Variants in COLEC12 observed in about 807,000 individuals in gnomAD.
COLEC12 encodes the protein collectin-12.
Under a neutral mutation model 71.1 loss-of-function variants are expected in COLEC12, and 33 were observed. The observed-to-expected ratio is 0.46, with a 90% CI of 0.35 to 0.62. The LOEUF (loss-of-function observed/expected upper bound fraction) is 0.62. Ranked by LOEUF, COLEC12 falls within the 20% of genes least tolerant of loss-of-function variation. The probability of loss-of-function intolerance (pLI) is 0.00; values close to 1 mark genes in which losing one functional copy is unlikely to be tolerated. For missense variants in COLEC12, 765 were observed against 916.1 expected (o/e 0.84, Z 2.13); for synonymous variants, 350 against 353.0 (o/e 0.99, Z 0.10).
intron 2 of COLEC12, among the ~76,000 whole-genome samples, chr18:416,524 T>C (rs1368040473): frequency 1.3e-5 from 2 of 152,218 alleles, no homozygotes; most frequent in African/African-American, 4.8e-5. Flanking sequence ...AGGAATTCCA[T>C]GACTCATTGA....
At chr18:445,635 C>CTTTTTTTT (rs35766404) in intron 2 of COLEC12, among the ~76,000 whole-genome samples, 17 of 137,378 alleles carry the variant, frequency 1.2e-4, no homozygotes, top group African/African-American at 3.9e-4. Flanking sequence ...CACTAATCCA[C>CTTTTTTTT]TTTTTTTTTT....
At chr18:412,657 A>C (rs532824856) in intron 2 of COLEC12, among the ~76,000 whole-genome samples, 2 of 152,164 alleles carry the variant, frequency 1.3e-5, no homozygotes, top group Non-Finnish European at 2.9e-5. Context: ...TATATAGGTA[A>C]ATTTAAAGAC....
At chr18:325,363 C>A (rs779615967) in intron 8 of COLEC12, among the ~76,000 whole-genome samples, 6 of 152,066 alleles carry the variant, frequency 3.9e-5, no homozygotes, top group Non-Finnish European at 5.9e-5. Flanking sequence ...GACAGAGGAA[C>A]AGAAGAGCTT....
rs1913861894 is a variant in COLEC12, at chr18:327,064, TCCATCAAATGTTATCATGAGACTGTGGG to T, written c.2063+4576_2063+4603del. On this transcript the variant is annotated intron_variant, in intron 8 of 9. Coordinates refer to ENST00000400256, the MANE Select transcript of COLEC12 (RefSeq NM_130386.3). This position sits in a 1 kb window ranked among gnomAD's most constrained non-coding sequence, Gnocchi z 4.0. ...GCTCATGGCAGACACTTCAAGATAA[TCCATCAAATGTTATCATGAGACTGTGGG>T]CCAATGGACTCTAATCTCCAGTCAG... 1.3e-5 allele frequency among the ~76,000 whole-genome samples: 2 copies of T among 152,258 alleles called. No individual in the cohort carries two copies. The highest frequency in any genetic ancestry group is 3.4e-3 in the Middle Eastern group (1 of 294).
chr18:368,759 C>G (rs78459025), intron 2 of COLEC12, among the ~76,000 whole-genome samples: 17,569 of 151,416 alleles, frequency 0.12, 1,180 homozygotes, highest in Non-Finnish European at 0.16. Context: ...CCAGCTACTT[C>G]TGAGGCTGAG....
intron 2 of COLEC12, among the ~76,000 whole-genome samples, chr18:374,014 A>C (rs1598343108): frequency 6.6e-6 from 1 of 152,160 alleles, no homozygotes; most frequent in Non-Finnish European, 1.5e-5. Flanking sequence ...CAAACACCTA[A>C]GTCCTAGGGT....
intron 8 of COLEC12, among the ~76,000 whole-genome samples, chr18:322,661 T>C (rs569570616): frequency 2.0e-5 from 3 of 152,366 alleles, no homozygotes; most frequent in Admixed American, 6.5e-5. Flanking sequence ...TTGTGGCTGC[T>C]GCCTGAGAGG....
chr18:335,802 C>CCTT (rs993097623), intron 5 of COLEC12, among the ~76,000 whole-genome samples: 1 of 152,178 alleles, frequency 6.6e-6, no homozygotes, highest in South Asian at 2.1e-4. Flanking sequence ...GTAAGCTCAC[C>CCTT]CTTCTTCTTC....
At chr18:360,072 C>T (rs1244436922) in intron 2 of COLEC12, among the ~76,000 whole-genome samples, 2 of 152,108 alleles carry the variant, frequency 1.3e-5, no homozygotes, top group African/African-American at 2.4e-5. Flanking sequence ...TGACTTAGAG[C>T]AGTGCTTCTC....
At chr18:381,023 C>T (rs1915220755) in intron 2 of COLEC12, among the ~76,000 whole-genome samples, 1 of 152,072 alleles carries the variant, frequency 6.6e-6, no homozygotes, top group Non-Finnish European at 1.5e-5. Context: ...TGAACCCTTT[C>T]CCAAAGAGCC....
intron 1 of COLEC12, among the ~76,000 whole-genome samples, chr18:498,208 G>A (rs1036895858): frequency 2.6e-5 from 4 of 152,112 alleles, no homozygotes; most frequent in African/African-American, 9.7e-5. Context: ...ATTGCAATGT[G>A]TTTGTAGTGT....
chr18:460,658 G>A (rs1280924684), intron 2 of COLEC12, among the ~76,000 whole-genome samples: 1 of 152,142 alleles, frequency 6.6e-6, no homozygotes, highest in Non-Finnish European at 1.5e-5. Context: ...AAAAAGGCAC[G>A]TGAGAAGCCC....
In COLEC12 at chr18:347,012, T is replaced by C. The variant is rs755052172; in HGVS notation, c.610A>G (p.Met204Val). 8 of 1,614,114 alleles carry C rather than the reference T, an allele frequency of 5.0e-6. No homozygotes were observed. The highest frequency in any genetic ancestry group is 1.1e-5 in the South Asian group (1 of 91,078). Residue 204 changes from methionine (M) to valine (V), a missense_variant, in exon 5 of 10, where the codon ATG (methionine) becomes GTG (valine). Met to Val is a conservative substitution (Grantham distance 21). Coordinates refer to ENST00000400256, the MANE Select transcript of COLEC12 (RefSeq NM_130386.3). ...GTCAGGTTCAGGTTGTTGAGGTTCA[T>C]GATGACCACATTATGAGAATACATT... ...NQMYSHNVVI[M>V]NLNNLNLTQV...
At chr18:486,124 T>C (rs774229912) in intron 1 of COLEC12, among the ~76,000 whole-genome samples, 3 of 152,248 alleles carry the variant, frequency 2.0e-5, no homozygotes, top group Non-Finnish European at 4.4e-5. Flanking sequence ...AGGAGACTAA[T>C]ATACTTAGTA....
chr18:451,582 C>T (rs756143091), intron 2 of COLEC12, among the ~76,000 whole-genome samples: 3 of 151,990 alleles, frequency 2.0e-5, no homozygotes, highest in Non-Finnish European at 4.4e-5. Context: ...CCCGTCTCTA[C>T]TAAAAAATAC....
At position 331,682 on chromosome 18, in the gene COLEC12, T is replaced by A; in HGVS notation, c.2049A>T (p.Thr683=). 6.2e-7 allele frequency: 1 copy of A among 1,608,860 alleles called. No homozygotes were observed. Among genetic ancestry groups the A allele is most frequent in the Non-Finnish European group, 8.5e-7 (1 of 1,175,196 alleles). The change falls in exon 8 of 10, where the codon ACA becomes ACT. Residue 683 remains threonine, a synonymous_variant. Coordinates refer to ENST00000400256, the MANE Select transcript of COLEC12 (RefSeq NM_130386.3). ...TGAGTACTTACTTGTAGTCTGGAGA[T>A]GTCCCATCCAGCCACTTCCATTCAT... ...RENEWKWLDG[T]SPDYKNWKAG...
At chr18:390,241 G>C (rs1206689549) in intron 2 of COLEC12, among the ~76,000 whole-genome samples, 1 of 152,160 alleles carries the variant, frequency 6.6e-6, no homozygotes, top group East Asian at 1.9e-4. Flanking sequence ...AGGCCATCGT[G>C]CTGCCCAAAT....
intron 2 of COLEC12, among the ~76,000 whole-genome samples, chr18:441,130 C>T (rs1916519191): frequency 1.4e-5 from 2 of 142,080 alleles, no homozygotes; most frequent in South Asian, 4.9e-4. Context: ...CGCCTGTAGT[C>T]CCAGCTGCTG....
chr18:345,673 C>T (rs550794997), intron 5 of COLEC12, among the ~76,000 whole-genome samples: 3 of 152,180 alleles, frequency 2.0e-5, no homozygotes, highest in Non-Finnish European at 4.4e-5. Flanking sequence ...TTCAGAGGAG[C>T]TTGATTTATA....
Sources: gnomAD v4.1 joint callset for allele counts (sites outside exome capture counted in the v4.1 genomes callset) on GRCh38, gnomAD v4.1.1 for gene constraint, Gnocchi (gnomAD v3.1) non-coding constraint, MANE v1.5 for transcripts, NCBI Gene and HGNC (gene_info 2026-07-23, HGNC 2026-07-21) for gene names.